Variants in NCOA3 observed in about 807,000 individuals in gnomAD.
The protein encoded by NCOA3 is nuclear receptor coactivator 3.
NCOA3 carries 51 observed loss-of-function variants against 158.8 expected under a neutral mutation model. The ratio of observed to expected loss-of-function variants is 0.32; its 90% CI spans 0.26 to 0.41. NCOA3 has a LOEUF of 0.41. Among genes scored for constraint, NCOA3 ranks in the 10% least tolerant of loss-of-function variants. The pLI is 1.00. For synonymous variants in NCOA3, 537 were observed against 592.4 expected, an observed-to-expected ratio of 0.91 and a Z score of 1.36; for missense variants, 1,510 against 1,746.6, an observed-to-expected ratio of 0.86 and a Z score of 2.41.
chr20:47,614,909 G>A (rs1440974049), intron 2 of NCOA3, among the ~76,000 whole-genome samples: 1 of 152,164 alleles, frequency 6.6e-6, no homozygotes, highest in Non-Finnish European at 1.5e-5. Context: ...TAACCTCTCA[G>A]TGTTCTTACT....
rs143888226 is a variant in NCOA3, at chr20:47,514,713, CT to C, written c.-99+12715del. Among the ~76,000 whole-genome samples the C allele has an allele frequency of 9.8e-3, 1,031 of 104,998 alleles. 5 individuals carry two copies. The highest frequency in any genetic ancestry group is 0.028 in the African/African-American group (747 of 26,314). The allele number at this position is 104,998 out of a possible 152,430, so 68.9% of individuals were successfully genotyped here. On this transcript the variant is annotated intron_variant, in intron 1 of 22. Coordinates refer to ENST00000371998, the MANE Select transcript of NCOA3 (RefSeq NM_181659.3). ...TTTGTTTGTTTTGTTTTGTTTTTTGCTTTTTTTTTTTTTTTTTTTTTGAGAC... is the reference window on the plus strand; with the variant it reads ...TTTGTTTGTTTTGTTTTGTTTTTTGCTTTTTTTTTTTTTTTTTTTTGAGAC...
chr20:47,649,080 C>G lies in NCOA3; in HGVS notation c.3622C>G (p.Pro1208Ala). Residue 1208 changes from proline to alanine, a missense_variant, in exon 19 of 23, where the codon CCT becomes GCT. Pro to Ala is a conservative substitution (Grantham distance 27). Coordinates refer to ENST00000371998, the MANE Select transcript of NCOA3 (RefSeq NM_181659.3). ...TGCTGGTGGTGCTGCGGTGATGAGG[C>G]CTATGATGCAGCCCCAGGTGAGCTC... ...PTAGGAAVMR[P>A]MMQPQVSSQQ... 1 of 1,613,690 alleles carries G rather than the reference C, an allele frequency of 6.2e-7. No individual in the cohort carries two copies. Among genetic ancestry groups the G allele is most frequent in the Non-Finnish European group, 8.5e-7 (1 of 1,179,734 alleles).
At position 47,655,877 on chromosome 20, in the gene NCOA3, AT is replaced by A. The variant is rs2086864209; in HGVS notation, c.*2461del. 6.6e-6 allele frequency: 1 copy of A among 152,472 alleles called. No homozygotes were observed. Among genetic ancestry groups the A allele is most frequent in the Non-Finnish European group, 1.5e-5 (1 of 68,004 alleles). The allele number at this position is 152,472 out of a possible 1,614,324, so 9.4% of individuals were successfully genotyped here. A position where few individuals can be genotyped will look rare whatever the true frequency, so the allele number is the denominator to read the frequency against. ...ATATAGTAGAAAAATGAAGTTTATT[AT>A]AAGTTTTTATATTTTCTACTTGTTC... On this transcript the variant is annotated 3_prime_UTR_variant, in exon 23 of 23. Coordinates refer to ENST00000371998, the MANE Select transcript of NCOA3 (RefSeq NM_181659.3).
chr20:47,607,105 A>G (rs369759402), intron 2 of NCOA3, among the ~76,000 whole-genome samples: 4 of 152,310 alleles, frequency 2.6e-5, no homozygotes, highest in South Asian at 4.1e-4. Flanking sequence ...TTCAGAGTGC[A>G]AGTTAGATCC....
At chr20:47,585,046 C>CTTTTTTTTTTTTTT (rs11473989) in intron 2 of NCOA3, among the ~76,000 whole-genome samples, 6 of 91,344 alleles carry the variant, frequency 6.6e-5, no homozygotes, top group South Asian at 3.8e-4. Context: ...CCTTTCTTAA[C>CTTTTTTTTTTTTTT]TTTTTTTTTT....
intron 1 of NCOA3, among the ~76,000 whole-genome samples, chr20:47,564,292 T>C (rs1310848828): frequency 2.6e-5 from 4 of 152,154 alleles, no homozygotes; most frequent in African/African-American, 7.2e-5. Flanking sequence ...TATTGTAGCA[T>C]GGGCATCCTT....
chr20:47,597,347 C>G (rs559281551), intron 2 of NCOA3, among the ~76,000 whole-genome samples: 1 of 152,136 alleles, frequency 6.6e-6, no homozygotes, highest in South Asian at 2.1e-4. Context: ...TTTTCATTTT[C>G]TCTTTCTTTT....
chr20:47,606,104 A>G (rs147134057), intron 2 of NCOA3, among the ~76,000 whole-genome samples: 1 of 152,312 alleles, frequency 6.6e-6, no homozygotes, highest in East Asian at 1.9e-4. Flanking sequence ...GTAGCCTCCC[A>G]AAGTATTGGG....
chr20:47,505,545 A>G (rs1229943143), intron 1 of NCOA3, among the ~76,000 whole-genome samples: 1 of 152,156 alleles, frequency 6.6e-6, no homozygotes, highest in Non-Finnish European at 1.5e-5. Flanking sequence ...TAGAAAAAAA[A>G]CAAGACTTGT....
chr20:47,538,847 A>G (rs186455968), intron 1 of NCOA3, among the ~76,000 whole-genome samples: 27 of 152,354 alleles, frequency 1.8e-4, no homozygotes, highest in African/African-American at 5.5e-4. Context: ...CCCAGCCACT[A>G]TTCTTCTCTT....
At chr20:47,626,484 C>G (rs1347615534) in intron 5 of NCOA3, among the ~76,000 whole-genome samples, 1 of 150,740 alleles carries the variant, frequency 6.6e-6, no homozygotes, top group African/African-American at 2.4e-5. Context: ...CTCCCCCACC[C>G]CCAATTATTC....
Position 47,577,495 on chromosome 20 carries a change from C to G in NCOA3, c.-98-5688C>G, listed in dbSNP as rs137914133. On this transcript the variant is annotated intron_variant, in intron 1 of 22. Transcript: ENST00000371998. Reference sequence around the variant, plus strand: ...ATTCTTTCCTTATACTCTCATGGGACTCTGGTCTTTTTAATTCTTCCTTTT... The same window carrying G: ...ATTCTTTCCTTATACTCTCATGGGAGTCTGGTCTTTTTAATTCTTCCTTTT... Among the ~76,000 whole-genome samples, 55 of 152,302 alleles carry G rather than the reference C, an allele frequency of 3.6e-4. 1 individual carries two copies. The East Asian group carries it at 0.01, about 29-fold the overall frequency.
chr20:47,646,872 CT>C (rs1335352951), intron 17 of NCOA3, among the ~76,000 whole-genome samples, 200 bp from the exon 18 acceptor site: 1 of 152,120 alleles, frequency 6.6e-6, no homozygotes, highest in East Asian at 1.9e-4. Flanking sequence ...AGAATATCAA[CT>C]TTTACTTCTT....
intron 1 of NCOA3, among the ~76,000 whole-genome samples, chr20:47,553,926 G>C (rs2084962632): frequency 6.6e-6 from 1 of 152,158 alleles, no homozygotes; most frequent in Admixed American, 6.5e-5. Flanking sequence ...TAATGGGATG[G>C]CTGGGTCAAA....
At position 47,636,711 on chromosome 20, in the gene NCOA3, T is replaced by C. The variant is rs1015259393; in HGVS notation, c.2325T>C (p.Pro775=). The part of the protein sequence containing the change: ...KMSQCTSSTI[P]SSSQEKDPKI... ...GTCAGTGCACCAGCTCCACCATTCC[T>C]AGCTCAAGTCAAGAGAAAGACCCTA... Residue 775 remains proline, a synonymous_variant, in exon 12 of 23, where the codon CCT becomes CCC. Coordinates refer to ENST00000371998, the MANE Select transcript of NCOA3 (RefSeq NM_181659.3). 6.2e-7 allele frequency: 1 copy of C among 1,613,962 alleles called. No individual in the cohort carries two copies. Among genetic ancestry groups the C allele is most frequent in the Non-Finnish European group, 8.5e-7 (1 of 1,179,858 alleles).
rs35406814 is a variant in NCOA3 at position 47,520,061 on chromosome 20, C to CAAAAA, written c.-99+18067_-99+18071dup. On this transcript the variant is annotated intron_variant, in intron 1 of 22. Transcript: ENST00000371998. Reference sequence around the variant, plus strand: ...ACAGGTGTGAGCAACTGTGCCTGGCCAAAAAAAAAAAAAAAAAAAAAAAAA... The same window carrying CAAAAA: ...ACAGGTGTGAGCAACTGTGCCTGGCCAAAAAAAAAAAAAAAAAAAAAAAAAAAAAA... Among the ~76,000 whole-genome samples the CAAAAA allele has an allele frequency of 1.8e-4, 6 of 32,894 alleles. 1 individual carries two copies. Among genetic ancestry groups the CAAAAA allele is most frequent in the East Asian group, 1.7e-3 (1 of 594 alleles). The allele number at this position is 32,894 out of a possible 152,430, so 21.6% of individuals were successfully genotyped here. A position where few individuals can be genotyped will look rare whatever the true frequency, so the allele number is the denominator to read the frequency against.
intron 17 of NCOA3, among the ~76,000 whole-genome samples, chr20:47,644,928 C>T (rs189603602): frequency 8.6e-4 from 131 of 151,906 alleles, no homozygotes; most frequent in African/African-American, 3.0e-3. Context: ...GAACTCCTGA[C>T]CTCGTGATCC....
chr20:47,507,379 C>T (rs1306177218), intron 1 of NCOA3, among the ~76,000 whole-genome samples: 1 of 152,108 alleles, frequency 6.6e-6, no homozygotes, highest in Non-Finnish European at 1.5e-5. Flanking sequence ...TTGAGCTGGG[C>T]AGTGGCAGAG....
At chr20:47,560,110 C>T (rs896691149) in intron 1 of NCOA3, among the ~76,000 whole-genome samples, 8 of 152,066 alleles carry the variant, frequency 5.3e-5, no homozygotes, top group East Asian at 3.9e-4. Context: ...GAGACAGTTT[C>T]GCTCTGTTGC....
Sources: allele counts gnomAD v4.1 joint callset (sites outside exome capture counted in the v4.1 genomes callset), GRCh38; gene constraint gnomAD v4.1.1; transcripts MANE v1.5; gene names NCBI Gene and HGNC (gene_info 2026-07-23, HGNC 2026-07-21).